Variants in WWOX observed in about 807,000 individuals in gnomAD.
The protein encoded by WWOX is WW domain containing oxidoreductase, also known as WW domain-containing oxidoreductase.
In WWOX, 69 loss-of-function variants were observed where a neutral mutation model predicts 46.2. That is an observed-to-expected ratio of 1.49 (90% CI 1.23 to 1.82). The LOEUF (loss-of-function observed/expected upper bound fraction) is 1.82, where lower values mean the gene tolerates loss of function less well. WWOX is among the 40% of genes most tolerant of loss of function. The probability of loss-of-function intolerance (pLI) is 0.00; values close to 1 mark genes in which losing one functional copy is unlikely to be tolerated. For missense variants in WWOX, 919 were observed against 542.6 expected, an observed-to-expected ratio of 1.69 and a Z score of -6.89; for synonymous variants, 359 against 202.6, an observed-to-expected ratio of 1.77 and a Z score of -6.56.
chr16:78,555,991 A>C (rs776855273), intron 8 of WWOX, among the ~76,000 whole-genome samples: 15 of 152,162 alleles, frequency 9.9e-5, no homozygotes, highest in Admixed American at 6.5e-4. Context: ...GAGGGGAGGA[A>C]GGGAAGTAAC....
At chr16:78,864,780 T>A (rs1329433335) in intron 8 of WWOX, among the ~76,000 whole-genome samples, 1 of 127,856 alleles carries the variant, frequency 7.8e-6, no homozygotes, top group East Asian at 2.2e-4. Flanking sequence ...TTTTTTTTTT[T>A]TTGAGACAGT....
chr16:78,614,904 C>G (rs942910239), intron 8 of WWOX, among the ~76,000 whole-genome samples: 1 of 152,104 alleles, frequency 6.6e-6, no homozygotes, highest in Admixed American at 6.6e-5. Flanking sequence ...CTTTTAAATC[C>G]ATTCTTAGAT....
chr16:78,422,782 TATACACACACAC>T (rs1567563554), intron 6 of WWOX, among the ~76,000 whole-genome samples: 29 of 117,568 alleles, frequency 2.5e-4, no homozygotes, highest in African/African-American at 1.4e-3. Context: ...CACATATATA[TATACACACACAC>T]ATATATATAC....
chr16:78,620,480 T>C (rs991879087), intron 8 of WWOX, among the ~76,000 whole-genome samples: 2 of 152,162 alleles, frequency 1.3e-5, no homozygotes, highest in Non-Finnish European at 2.9e-5. Flanking sequence ...AAGATAGCTG[T>C]ATCATTGGCA....
At chr16:78,949,361 C>G (rs1161354681) in intron 8 of WWOX, among the ~76,000 whole-genome samples, 1 of 152,136 alleles carries the variant, frequency 6.6e-6, no homozygotes, top group Non-Finnish European at 1.5e-5. Context: ...AAATCTGATA[C>G]ACTGTCATGG....
intron 5 of WWOX, among the ~76,000 whole-genome samples, chr16:78,177,306 A>T (rs538465814): frequency 3.6e-4 from 55 of 152,314 alleles, no homozygotes; most frequent in Non-Finnish European, 4.4e-4. Flanking sequence ...TCCAACATCT[A>T]TTACGTGCTA....
intron 8 of WWOX, among the ~76,000 whole-genome samples, chr16:78,989,934 G>T (rs1437723264): frequency 1.3e-5 from 2 of 150,904 alleles, no homozygotes; most frequent in South Asian, 2.1e-4. Context: ...TGTAATTCTA[G>T]CACTTTGGGA....
At chr16:78,511,360 G>C (rs2085356387) in intron 8 of WWOX, among the ~76,000 whole-genome samples, 1 of 152,156 alleles carries the variant, frequency 6.6e-6, no homozygotes, top group African/African-American at 2.4e-5. Context: ...GAAATATTTT[G>C]AGAACTCTGA....
At chr16:78,611,584 C>A (rs763892646) in intron 8 of WWOX, among the ~76,000 whole-genome samples, 2 of 152,156 alleles carry the variant, frequency 1.3e-5, no homozygotes, top group African/African-American at 4.8e-5. Context: ...GAAGCTTAGT[C>A]TCAATTTCAG....
intron 8 of WWOX, among the ~76,000 whole-genome samples, chr16:78,904,234 C>CTTT (rs5818190): frequency 2.2e-4 from 19 of 85,786 alleles, no homozygotes; most frequent in African/African-American, 2.6e-4. Flanking sequence ...TTATAAATGC[C>CTTT]TTTTTTTTTT....
At chr16:78,796,595 T>A (rs1042738004) in intron 8 of WWOX, among the ~76,000 whole-genome samples, 1 of 152,256 alleles carries the variant, frequency 6.6e-6, no homozygotes, top group Non-Finnish European at 1.5e-5. Context: ...TTAAATTGCA[T>A]GGTCTTGTAC....
At chr16:78,583,908 C>G (rs1339093597) in intron 8 of WWOX, among the ~76,000 whole-genome samples, 2 of 152,200 alleles carry the variant, frequency 1.3e-5, no homozygotes, top group Admixed American at 1.3e-4. Flanking sequence ...ATATTTTAGG[C>G]ATCCTCACAA....
At chr16:78,250,454 C>T (rs532098120) in intron 5 of WWOX, among the ~76,000 whole-genome samples, 1 of 152,084 alleles carries the variant, frequency 6.6e-6, no homozygotes, top group East Asian at 1.9e-4. Flanking sequence ...TTCCATTTGA[C>T]ATGCCTGGCT....
intron 6 of WWOX, among the ~76,000 whole-genome samples, chr16:78,420,512 G>C (rs184016768): frequency 1.2e-4 from 18 of 152,108 alleles, no homozygotes; most frequent in African/African-American, 4.3e-4. Context: ...ACAGAAGCCA[G>C]TCACAAAAGA....
chr16:78,872,109 A>C (rs1481764568), intron 8 of WWOX, among the ~76,000 whole-genome samples: 3 of 152,220 alleles, frequency 2.0e-5, no homozygotes, highest in Non-Finnish European at 2.9e-5. Flanking sequence ...TCTAATGAGG[A>C]ATTAGAGGAA....
intron 8 of WWOX, among the ~76,000 whole-genome samples, chr16:78,803,178 G>T (rs923369581): frequency 6.6e-6 from 1 of 151,214 alleles, no homozygotes; most frequent in African/African-American, 2.4e-5. Flanking sequence ...CAACAAGTCA[G>T]TTCTTAACAC....
chr16:79,194,731 C>G (rs970090095), intron 8 of WWOX, among the ~76,000 whole-genome samples: 1 of 152,150 alleles, frequency 6.6e-6, no homozygotes, highest in African/African-American at 2.4e-5. Context: ...TGCTTTCCAT[C>G]GTCCAAAATT....
rs757159030 is a variant in WWOX, at chr16:78,424,969, G to A, written c.705G>A (p.Gly235=). Residue 235 remains glycine, a synonymous_variant, in exon 7 of 9, where the codon GGG becomes GGA. Coordinates refer to ENST00000566780, the MANE Select transcript of WWOX (RefSeq NM_016373.4). ...CCACCTTTCAAGTGAATCATCTGGGGCACTTCTACCTTGTCCAGCTCCTCC... is the reference window on the plus strand; with the variant it reads ...CCACCTTTCAAGTGAATCATCTGGGACACTTCTACCTTGTCCAGCTCCTCC... ...LETTFQVNHL[G]HFYLVQLLQD... The A allele has an allele frequency of 1.9e-6, 3 of 1,614,120 alleles. No homozygotes were observed. Among genetic ancestry groups the A allele is most frequent in the East Asian group, 2.2e-5 (1 of 44,876 alleles).
chr16:78,612,701 C>G (rs1200292693), intron 8 of WWOX, among the ~76,000 whole-genome samples: 1 of 152,118 alleles, frequency 6.6e-6, no homozygotes, highest in Non-Finnish European at 1.5e-5. Flanking sequence ...TCTCAAACTC[C>G]TGGCCTCTCA....
Sources: gnomAD v4.1 joint callset for allele counts (sites outside exome capture counted in the v4.1 genomes callset) on GRCh38, gnomAD v4.1.1 for gene constraint, MANE v1.5 for transcripts, NCBI Gene and HGNC (gene_info 2026-07-23, HGNC 2026-07-21) for gene names.